Variants in BTBD2 observed in about 807,000 individuals in gnomAD.
The protein encoded by BTBD2 is BTB/POZ domain-containing protein 2.
A neutral mutation model predicts 44.0 loss-of-function variants in BTBD2; 15 were observed. The ratio of observed to expected loss-of-function variants is 0.34; its 90% CI spans 0.23 to 0.53. The LOEUF is 0.53. BTBD2 is among the 20% of genes least tolerant of loss of function. The pLI is 0.95. For synonymous variants in BTBD2, 443 were observed against 335.9 expected (o/e 1.32, Z -3.49); for missense variants, 657 against 746.4 (o/e 0.88, Z 1.39).
intron 1 of BTBD2, among the ~76,000 whole-genome samples, chr19:2,002,347 CTG>C (rs1229938032): frequency 6.6e-6 from 1 of 152,220 alleles, no homozygotes; most frequent in Non-Finnish European, 1.5e-5. Flanking sequence ...GCCCAAAGCG[CTG>C]TGATTACAGG....
intron 1 of BTBD2, among the ~76,000 whole-genome samples, chr19:2,005,503 C>T (rs1177824058): frequency 6.6e-6 from 1 of 151,946 alleles, no homozygotes; most frequent in Non-Finnish European, 1.5e-5. Flanking sequence ...ATTTTTTAGC[C>T]AGGCGCAGTG....
intron 5 of BTBD2, 186 bp from the exon 6 acceptor site, chr19:1,987,878 G>A (rs912720526): frequency 1.5e-5 from 9 of 613,370 alleles, no homozygotes; most frequent in Non-Finnish European, 2.3e-5. Flanking sequence ...TTAGGGAGAG[G>A]TCCCAGGGCA....
chr19:2,013,123 G>A (rs1290319811), intron 1 of BTBD2, among the ~76,000 whole-genome samples: 1 of 152,172 alleles, frequency 6.6e-6, no homozygotes, highest in Non-Finnish European at 1.5e-5. Context: ...TACCGCCCAG[G>A]GCAGGACCCC....
chr19:1,996,858 C>G (rs2016257821), intron 2 of BTBD2, among the ~76,000 whole-genome samples: 1 of 151,402 alleles, frequency 6.6e-6, no homozygotes, highest in South Asian at 2.1e-4. Flanking sequence ...GGCAACAGAG[C>G]AAGACCACGT....
At chr19:1,991,747 G>A (rs7252513) in intron 3 of BTBD2, 13,875 of 152,600 alleles carry the variant, frequency 0.091, 720 homozygotes, top group South Asian at 0.14. Context: ...GCTCCCAAGC[G>A]GCCGTCCACC....
In BTBD2 at chr19:2,015,664, G is replaced by A. The variant is rs1303361021; in HGVS notation, c.40C>T (p.Pro14Ser). 1 of 1,003,472 alleles carries A rather than the reference G, an allele frequency of 1.0e-6. No individual in the cohort carries two copies. Among genetic ancestry groups the A allele is most frequent in the Non-Finnish European group, 1.2e-6 (1 of 844,864 alleles). The allele number at this position is 1,003,472 out of a possible 1,614,324, so 62.2% of individuals were successfully genotyped here. A position where few individuals can be genotyped will look rare whatever the true frequency, so the allele number is the denominator to read the frequency against. The change falls in exon 1 of 9, where the codon CCG (proline) becomes TCG (serine). Residue 14 changes from proline to serine, a missense_variant. Coordinates refer to ENST00000255608, the MANE Select transcript of BTBD2 (RefSeq NM_017797.4). ...GTGCCCGGGCCGACCCCGACCCCCGGCGGGCACGACGCACGCCCGCCGCTC... is the reference window on the plus strand; with the variant it reads ...GTGCCCGGGCCGACCCCGACCCCCGACGGGCACGACGCACGCCCGCCGCTC... ...GGSGGRASCP[P>S]GVGVGPGTGG...
At chr19:2,010,377 C>A (rs566657487) in intron 1 of BTBD2, among the ~76,000 whole-genome samples, 1 of 152,288 alleles carries the variant, frequency 6.6e-6, no homozygotes, top group East Asian at 1.9e-4. Flanking sequence ...CGGGGAACAG[C>A]CCAGAAGCCG....
chr19:1,997,120 C>T (rs2016261048), intron 2 of BTBD2, among the ~76,000 whole-genome samples: 1 of 151,854 alleles, frequency 6.6e-6, no homozygotes, highest in Non-Finnish European at 1.5e-5. Context: ...ACTGAGGTTG[C>T]AGTGAGCCAA....
At chr19:2,010,386 C>T (rs2016449057) in intron 1 of BTBD2, among the ~76,000 whole-genome samples, 2 of 152,138 alleles carry the variant, frequency 1.3e-5, no homozygotes, top group Admixed American at 6.6e-5. Flanking sequence ...GCCCAGAAGC[C>T]GCGTGCAACC....
intron 2 of BTBD2, among the ~76,000 whole-genome samples, chr19:1,994,247 C>T (rs947181944): frequency 5.3e-5 from 8 of 151,248 alleles, no homozygotes; most frequent in South Asian, 4.2e-4. Flanking sequence ...ACCCAGGAGG[C>T]GGAGGTTGCA....
chr19:2,015,565 C>T lies in BTBD2; in HGVS notation c.139G>A (p.Ala47Thr). ...APGNAAAAAA[A>T]AAAAAAAPGP... ...GGGGCGGCGGCGGCGGCGGCGGCGGCGGCGGCGGCGGCGGCCGCGTTGCCG... is the reference window on the plus strand; with the variant it reads ...GGGGCGGCGGCGGCGGCGGCGGCGGTGGCGGCGGCGGCGGCCGCGTTGCCG... Residue 47 changes from alanine (A) to threonine (T), a missense_variant, in exon 1 of 9, where the codon GCC becomes ACC. Around this residue, in one of 3 missense-constraint regions of BTBD2, gnomAD observed 191 missense variants for 188.5 expected, o/e 1.01. Transcript: ENST00000255608. 1.1e-6 allele frequency: 1 copy of T among 951,158 alleles called. No individual in the cohort carries two copies. The highest frequency in any genetic ancestry group is 1.2e-6 in the Non-Finnish European group (1 of 806,538). 58.9% of individuals were successfully genotyped at this position (951,158 alleles called of 1,614,324 possible).
intron 1 of BTBD2, among the ~76,000 whole-genome samples, chr19:2,008,891 T>C (rs2016427729): frequency 1.3e-5 from 2 of 151,910 alleles, no homozygotes; most frequent in Non-Finnish European, 2.9e-5. Flanking sequence ...TCACAAAGAA[T>C]AAAGTTGGGA....
At chr19:1,996,619 C>T (rs1236941882) in intron 2 of BTBD2, among the ~76,000 whole-genome samples, 1 of 151,760 alleles carries the variant, frequency 6.6e-6, no homozygotes, top group African/African-American at 2.4e-5. Context: ...CACAGTGGCT[C>T]ATGCCTGTAA....
chr19:2,001,674 A>G (rs2016332357), intron 1 of BTBD2, among the ~76,000 whole-genome samples: 1 of 152,226 alleles, frequency 6.6e-6, no homozygotes, highest in African/African-American at 2.4e-5. Context: ...CCCACAGGAC[A>G]CAGGTGCAGG....
At position 1,989,921 on chromosome 19, in the gene BTBD2, C is replaced by T. The variant is rs958957477; in HGVS notation, c.988+83G>A. 33 of 1,489,974 alleles carry T rather than the reference C, an allele frequency of 2.2e-5. No individual in the cohort carries two copies. The African/African-American group carries it at 2.4e-4, about 11-fold the overall frequency. The allele number at this position is 1,489,974 out of a possible 1,614,324, so 92.3% of individuals were successfully genotyped here. On this transcript the variant is annotated intron_variant, in intron 5 of 8. Coordinates refer to ENST00000255608, the MANE Select transcript of BTBD2 (RefSeq NM_017797.4). ...TCTGCCAGGCTTTCCGCAGTGAACT[C>T]GGGGGCACTATCCTCGGTACCCAGA...
At chr19:2,003,074 T>A in intron 1 of BTBD2, 1 of 152,080 alleles carries the variant, frequency 6.6e-6, no homozygotes. Context: ...GACGCCACTT[T>A]GGGAGGCCAA....
chr19:1,987,467 T>G (rs1259880889), intron 6 of BTBD2, 33 bp downstream of exon 6: 2 of 1,129,546 alleles, frequency 1.8e-6, no homozygotes, highest in Non-Finnish European at 2.4e-6. Flanking sequence ...CACCCCCATG[T>G]CCGGACCCCC....
rs2016163600 is a variant in BTBD2 at position 1,990,702 on chromosome 19, C to A, written c.790+15G>T. 1.9e-6 allele frequency: 3 copies of A among 1,582,156 alleles called. No individual in the cohort carries two copies. Among genetic ancestry groups the A allele is most frequent in the Admixed American group, 1.8e-5 (1 of 56,020 alleles). Reference sequence around the variant, plus strand: ...CCCCGCTGGGATTCCCACACCTGGGCTCCTGGGCCCTTACCCAGGTCAATG... The same window carrying A: ...CCCCGCTGGGATTCCCACACCTGGGATCCTGGGCCCTTACCCAGGTCAATG... On this transcript the variant is annotated intron_variant, in intron 4 of 8. Coordinates refer to ENST00000255608, the MANE Select transcript of BTBD2 (RefSeq NM_017797.4).
chr19:1,992,397 G>C (rs1198887450), intron 3 of BTBD2, among the ~76,000 whole-genome samples: 1 of 151,932 alleles, frequency 6.6e-6, no homozygotes, highest in Admixed American at 6.6e-5. Context: ...ACAGTGCCCG[G>C]CCTGAATCTT....
Sources: gnomAD v4.1 joint callset for allele counts (sites outside exome capture counted in the v4.1 genomes callset) on GRCh38, gnomAD v4.1.1 for gene constraint, gnomAD v4.1.1 regional missense constraint, MANE v1.5 for transcripts, NCBI Gene and HGNC (gene_info 2026-07-23, HGNC 2026-07-21) for gene names.